The following HAUS1 variants were observed in gnomAD, a reference collection of about 807,000 sequenced individuals.
HAUS1 encodes the protein HAUS augmin like complex subunit 1.
HAUS1 carries 25 observed loss-of-function variants against 38.6 expected under a neutral mutation model. The observed-to-expected ratio is 0.65, with a 90% CI of 0.47 to 0.91. The LOEUF is 0.91. Ranked by LOEUF, HAUS1 falls within the 40% of genes least tolerant of loss-of-function variation. HAUS1 has a pLI of 0.00. For missense variants in HAUS1, 325 were observed against 328.4 expected, an observed-to-expected ratio of 0.99 and a Z score of 0.08; for synonymous variants, 109 against 112.9, an observed-to-expected ratio of 0.97 and a Z score of 0.22.
chr18:46,112,270 TTATA>T (rs1911656867), intron 2 of HAUS1, among the ~76,000 whole-genome samples: 1 of 139,778 alleles, frequency 7.2e-6, no homozygotes, highest in Non-Finnish European at 1.5e-5. Flanking sequence ...ATATTCCATA[TTATA>T]TATATAATAT....
At chr18:46,114,465 GGC>G in intron 2 of HAUS1, among the ~76,000 whole-genome samples, 1 of 152,100 alleles carries the variant, frequency 6.6e-6, no homozygotes, top group Non-Finnish European at 1.5e-5. Flanking sequence ...GAGGGAGTGC[GGC>G]AGCCTTAGGT....
At chr18:46,120,461 C>T (rs140006465) in intron 4 of HAUS1, among the ~76,000 whole-genome samples, 21 of 150,362 alleles carry the variant, frequency 1.4e-4, no homozygotes, top group African/African-American at 5.1e-4. Context: ...CTCGAACTCC[C>T]GACCTCAGGT....
At chr18:46,124,995 C>T in intron 7 of HAUS1, 102 bp downstream of exon 7, 1 of 654,892 alleles carries the variant, frequency 1.5e-6, no homozygotes, top group Non-Finnish European at 2.7e-6. Flanking sequence ...CACGGTGGCT[C>T]ACGCCTGTAA....
chr18:46,125,994 T>C, intron 8 of HAUS1: 1 of 430,140 alleles, frequency 2.3e-6, no homozygotes, highest in African/African-American at 2.0e-5. Flanking sequence ...AAACATATAG[T>C]AGCTGGGCAC....
At chr18:46,110,911 G>C (rs1159976779) in intron 2 of HAUS1, among the ~76,000 whole-genome samples, 1 of 135,266 alleles carries the variant, frequency 7.4e-6, no homozygotes, top group Non-Finnish European at 1.6e-5. Context: ...TTTTGAGACG[G>C]AGTTGCCCAG....
At chr18:46,120,700 C>G (rs149141228) in intron 4 of HAUS1, among the ~76,000 whole-genome samples, 2,753 of 152,120 alleles carry the variant, frequency 0.018, 72 homozygotes, top group African/African-American at 0.063. Flanking sequence ...AGTTTCCTGC[C>G]TCAGCCTCCC....
At chr18:46,110,549 G>A (rs914197786) in intron 2 of HAUS1, among the ~76,000 whole-genome samples, 2 of 151,506 alleles carry the variant, frequency 1.3e-5, no homozygotes, top group South Asian at 2.1e-4. Context: ...CATCATGTTC[G>A]CCAGGCTGGT....
intron 8 of HAUS1, chr18:46,126,801 T>TTTTATTTATTTATTTATTTA (rs34199777): frequency 7.2e-6 from 1 of 138,116 alleles, no homozygotes; most frequent in African/African-American, 2.7e-5. Context: ...ATTTTTGCAT[T>TTTTATTTATTTATTTATTTA]TTTATTTATT....
In HAUS1 at chr18:46,105,358, C is replaced by T. The variant is rs764338840; in HGVS notation, c.195C>T (p.Tyr65=). The T allele has an allele frequency of 4.3e-6, 7 of 1,611,224 alleles. No homozygotes were observed. The African/African-American group carries it at 5.4e-5, about 12-fold the overall frequency. The change falls in exon 2 of 9, where the codon TAC becomes TAT. Residue 65 remains tyrosine, a synonymous_variant. Coordinates refer to ENST00000282058, the MANE Select transcript of HAUS1 (RefSeq NM_138443.4). ...ACTTGAAGCAGAAAGCAAGTGAATA[C>T]GAGTCAGAAGGTGAGATTAAGTCCA... ...IEDLKQKASE[Y]ESEAKYLQDL... is the part of the protein sequence containing the mutation.
rs753574447 is a variant in HAUS1, at chr18:46,118,164, C to G, written c.206-17C>G. ...AAAAAAGCAAACAGTCACTATGGAA[C>G]TCTTTCATGTTTTTAGCCAAGTATC... On this transcript the variant is annotated splice_polypyrimidine_tract_variant and intron_variant, in intron 2 of 8. Transcript: ENST00000282058. The G allele has an allele frequency of 3.2e-5, 52 of 1,610,150 alleles. No individual in the cohort carries two copies. Among genetic ancestry groups the G allele is most frequent in the Non-Finnish European group, 3.9e-5 (46 of 1,179,290 alleles).
intron 2 of HAUS1, among the ~76,000 whole-genome samples, chr18:46,108,483 AGTCT>A (rs1181994821): frequency 6.6e-6 from 1 of 151,856 alleles, no homozygotes; most frequent in African/African-American, 2.4e-5. Context: ...CTTTTGGTTT[AGTCT>A]GCTCTTCTTT....
intron 2 of HAUS1, 133 bp downstream of exon 2, chr18:46,105,501 C>T (rs1911439211): frequency 1.5e-6 from 1 of 677,620 alleles, no homozygotes; most frequent in Middle Eastern, 3.3e-4. Context: ...TTCTTCCACT[C>T]TGTTATAGTA....
In HAUS1 at chr18:46,104,399, GGGAGCCGCAGCTAT is replaced by G; in HGVS notation, c.-2_12del. On this transcript the variant is annotated start_lost and 5_prime_UTR_variant, in exon 1 of 9. Transcript: ENST00000282058. Reference sequence around the variant, plus strand: ...CGCTAGGAGTTCCTAGTAAAGTGGCGGGAGCCGCAGCTATGGAGCCGCAGGAGGAGAGAGAAACG... The same window carrying G: ...CGCTAGGAGTTCCTAGTAAAGTGGCGGGAGCCGCAGGAGGAGAGAGAAACG... 2 of 1,448,860 alleles carry G rather than the reference GGGAGCCGCAGCTAT, an allele frequency of 1.4e-6. No individual in the cohort carries two copies. Among genetic ancestry groups the G allele is most frequent in the South Asian group, 1.4e-5 (1 of 70,384 alleles). The allele number at this position is 1,448,860 out of a possible 1,614,324, so 89.8% of individuals were successfully genotyped here.
intron 2 of HAUS1, among the ~76,000 whole-genome samples, chr18:46,117,590 A>G (rs1911828928): frequency 6.6e-6 from 1 of 152,154 alleles, no homozygotes; most frequent in Admixed American, 6.6e-5. Flanking sequence ...GCACTTTGGG[A>G]GGCCAAGGCT....
chr18:46,124,459 G>A (rs1249484398), intron 6 of HAUS1, among the ~76,000 whole-genome samples: 3 of 149,390 alleles, frequency 2.0e-5, no homozygotes, highest in South Asian at 2.1e-4. Flanking sequence ...GGTGGTGCAC[G>A]CCTGTGGTCC....
chr18:46,105,833 A>T (rs950336484), intron 2 of HAUS1, among the ~76,000 whole-genome samples: 2 of 152,114 alleles, frequency 1.3e-5, no homozygotes, highest in East Asian at 1.9e-4. Flanking sequence ...CGCCTGCCTC[A>T]GCCTCCCAAA....
rs529806292 is a variant in HAUS1 at position 46,128,137 on chromosome 18, T to G, written c.*12T>G. ...TGATGGAACTGTGACAAAAGCCAAA[T>G]AAACATCCTTTTCCCTAACAAAGTA... On this transcript the variant is annotated 3_prime_UTR_variant, in exon 9 of 9. Transcript: ENST00000282058. 3.2e-6 allele frequency: 5 copies of G among 1,557,936 alleles called. No homozygotes were observed. The Admixed American group carries it at 9.6e-5, about 30-fold the overall frequency.
rs910574084 is a variant in HAUS1 at position 46,111,416 on chromosome 18, C to G, written c.205+6048C>G. Among the ~76,000 whole-genome samples the G allele has an allele frequency of 2.0e-5, 3 of 152,058 alleles. No individual in the cohort carries two copies. The South Asian group carries it at 6.2e-4, about 32-fold the overall frequency. On this transcript the variant is annotated intron_variant, in intron 2 of 8. Coordinates refer to ENST00000282058, the MANE Select transcript of HAUS1 (RefSeq NM_138443.4). Reference sequence around the variant, plus strand: ...CTCGGCTCACTGCCACCTCTGCCTCCCCAGCTCAAGCAATTCTGTCTCAGC... The same window carrying G: ...CTCGGCTCACTGCCACCTCTGCCTCGCCAGCTCAAGCAATTCTGTCTCAGC...
chr18:46,122,300 T>TCC (rs1911963370), intron 4 of HAUS1, among the ~76,000 whole-genome samples, 167 bp from the exon 5 acceptor site: 1 of 139,266 alleles, frequency 7.2e-6, no homozygotes, highest in African/African-American at 2.9e-5. Context: ...CAAGACCTCA[T>TCC]CTCTTAAAAA....
Sources: gnomAD v4.1 joint callset for allele counts (sites outside exome capture counted in the v4.1 genomes callset) on GRCh38, gnomAD v4.1.1 for gene constraint, MANE v1.5 for transcripts, NCBI Gene and HGNC (gene_info 2026-07-23, HGNC 2026-07-21) for gene names.